The following FHL2 variants were observed in gnomAD, a reference collection of about 807,000 sequenced individuals.
The protein encoded by FHL2 is four and a half LIM domains protein 2.
FHL2 carries 20 observed loss-of-function variants against 32.7 expected under a neutral mutation model. The observed-to-expected ratio is 0.61, with a 90% confidence interval of 0.43 to 0.89. FHL2 has a LOEUF of 0.89. FHL2 is among the 40% of genes least tolerant of loss of function. FHL2 has a pLI of 0.00. For missense variants in FHL2, 311 were observed against 358.6 expected (o/e 0.87, Z 1.07); for synonymous variants, 123 against 128.1 (o/e 0.96, Z 0.27).
intron 6 of FHL2, chr2:105,362,928 C>T (rs1329350932): frequency 4.4e-6 from 1 of 226,974 alleles, no homozygotes; most frequent in East Asian, 1.2e-4. Flanking sequence ...CTAGGGGACA[C>T]TTCTAAGAAC....
Position 105,373,545 on chromosome 2 carries a change from G to A in FHL2, c.331+14C>T. 1 of 1,614,100 alleles carries A rather than the reference G, an allele frequency of 6.2e-7. No homozygotes were observed. On this transcript the variant is annotated intron_variant, in intron 4 of 6. Coordinates refer to ENST00000530340, the MANE Select transcript of FHL2 (RefSeq NM_001318895.3). ...CTAGACTGGCTCACGCATGAGAAAGGAGTGCCTCCTGACCTGGCATGATGG... is the reference window on the plus strand; with the variant it reads ...CTAGACTGGCTCACGCATGAGAAAGAAGTGCCTCCTGACCTGGCATGATGG...
upstream of FHL2, among the ~76,000 whole-genome samples, chr2:105,401,195 A>G (rs1160052429): frequency 6.6e-6 from 1 of 151,658 alleles, no homozygotes; most frequent in Non-Finnish European, 1.5e-5. Context: ...TGAACAATTT[A>G]TGTTAGGGGT....
intron 3 of FHL2, chr2:105,377,875 T>C: frequency 2.7e-6 from 1 of 364,746 alleles, no homozygotes; most frequent in Non-Finnish European, 5.5e-6. Context: ...GATAGTTGCT[T>C]TTTACATGGT....
chr2:105,417,742 A>C (rs1428676810), intron 1 of FHL2, among the ~76,000 whole-genome samples: 1 of 151,778 alleles, frequency 6.6e-6, no homozygotes, highest in Non-Finnish European at 1.5e-5. Context: ...TGTGTGTTTA[A>C]GGGTCCAGAT....
chr2:105,377,859 T>G, intron 3 of FHL2: 1 of 360,948 alleles, frequency 2.8e-6, no homozygotes, highest in South Asian at 2.1e-5. Flanking sequence ...GGCCTCTCTC[T>G]GGGAAGATAG....
At chr2:105,417,686 A>G in intron 1 of FHL2, among the ~76,000 whole-genome samples, 1 of 2,128 alleles carries the variant, frequency 4.7e-4, no homozygotes, top group Non-Finnish European at 1.4e-3. Flanking sequence ...TCCATCTCCA[A>G]AAAAAAAAAA....
Position 105,386,478 on chromosome 2 carries a change from A to T in FHL2, c.39T>A (p.Ser13=). The T allele has an allele frequency of 6.2e-7, 1 of 1,614,180 alleles. No individual in the cohort carries two copies. Among genetic ancestry groups the T allele is most frequent in the Non-Finnish European group, 8.5e-7 (1 of 1,180,038 alleles). ...ERFDCHHCNE[S]LFGKKYILRE... The stretch of plus-strand genomic sequence containing the variant: ...GCAGGATGTACTTCTTGCCAAAGAG[A>T]GATTCGTTGCAATGGTGGCAGTCAA... The change falls in exon 3 of 7, where the codon TCT becomes TCA. Residue 13 remains serine, a synonymous_variant. Transcript: ENST00000530340.
At chr2:105,412,390 G>GA (rs1436015793) in intron 1 of FHL2, among the ~76,000 whole-genome samples, 1 of 152,084 alleles carries the variant, frequency 6.6e-6, no homozygotes, top group East Asian at 1.9e-4. Context: ...CAGGAAAATA[G>GA]AAAAAAACAA....
intron 5 of FHL2, among the ~76,000 whole-genome samples, chr2:105,365,674 C>CA (rs771107312): frequency 0.038 from 2,703 of 71,604 alleles, 44 homozygotes; most frequent in African/African-American, 0.083. Context: ...GTCTCTACTA[C>CA]AAAAAAAAAA....
chr2:105,396,625 AG>A, intron 2 of FHL2, 21 bp downstream of exon 2: 1 of 1,609,030 alleles, frequency 6.2e-7, no homozygotes. Context: ...TTAGGATAAC[AG>A]AGGAAATTCA....
chr2:105,363,527 G>A, intron 5 of FHL2, 56 bp from the exon 6 acceptor site: 1 of 1,482,912 alleles, frequency 6.7e-7, no homozygotes, highest in Non-Finnish European at 9.2e-7. Context: ...GACATCTTCA[G>A]TCTCAGCTAC....
Position 105,367,433 on chromosome 2 carries a change from G to A in FHL2, c.501+137C>T, listed in dbSNP as rs572786376. ...GACCCGATGGATAAATGCTCAGAAT[G>A]TAAGGCAGGACAGGCACAGCTCCCA... On this transcript the variant is annotated intron_variant, in intron 5 of 6. Coordinates refer to ENST00000530340, the MANE Select transcript of FHL2 (RefSeq NM_001318895.3). The A allele has an allele frequency of 8.6e-6, 7 of 817,624 alleles. No homozygotes were observed. The East Asian group carries it at 1.8e-4, about 21-fold the overall frequency. 50.6% of individuals were successfully genotyped at this position (817,624 alleles called of 1,614,324 possible). A position where few individuals can be genotyped will look rare whatever the true frequency, so the allele number is the denominator to read the frequency against.
At chr2:105,389,925 AAAAC>A (rs2104600775) in intron 2 of FHL2, 1 of 152,398 alleles carries the variant, frequency 6.6e-6, no homozygotes, top group Non-Finnish European at 1.5e-5. Flanking sequence ...AGGACAGAAA[AAAAC>A]AAAAACAAAA....
chr2:105,389,601 T>C (rs1338002661), intron 2 of FHL2, among the ~76,000 whole-genome samples: 1 of 152,216 alleles, frequency 6.6e-6, no homozygotes, highest in African/African-American at 2.4e-5. Flanking sequence ...AACTTCCTCA[T>C]TCTATGGATG....
At position 105,363,295 on chromosome 2, in the gene FHL2, G is replaced by A. The variant is rs137869171; in HGVS notation, c.678C>T (p.Asn226=). 0.01 allele frequency: 16,345 copies of A among 1,614,124 alleles called. 104 individuals carry two copies. The highest frequency in any genetic ancestry group is 0.012 in the Non-Finnish European group (14,340 of 1,179,988). ...CCCCGGGACACTCACCGCTGATGGG[G>A]TTGGTGCACCCAGCACACTTCTTGG... ...LYAKKCAGCT[N]PISGLGGTKY... is the part of the protein sequence containing the mutation. Residue 226 remains asparagine (N), a synonymous_variant, in exon 6 of 7, where the codon AAC becomes AAT. Transcript: ENST00000530340.
At chr2:105,398,681 C>T (rs1683314505) in intron 1 of FHL2, among the ~76,000 whole-genome samples, 161 bp downstream of exon 1, 1 of 152,170 alleles carries the variant, frequency 6.6e-6, no homozygotes, top group African/African-American at 2.4e-5. Flanking sequence ...TTGCTCCGCT[C>T]CCCTCTCCCC....
intron 5 of FHL2, among the ~76,000 whole-genome samples, chr2:105,366,372 G>A (rs1680635465): frequency 6.6e-6 from 1 of 152,226 alleles, no homozygotes; most frequent in African/African-American, 2.4e-5. Context: ...CAGACGCAAG[G>A]GTAGAGGCCC....
At chr2:105,434,443 C>T (rs1012895892) in intron 1 of FHL2, among the ~76,000 whole-genome samples, 14 of 152,188 alleles carry the variant, frequency 9.2e-5, no homozygotes, top group Admixed American at 9.2e-4. Flanking sequence ...TGGCCTATGC[C>T]TGTAATCCCA....
intron 1 of FHL2, among the ~76,000 whole-genome samples, chr2:105,407,182 A>G (rs1024395585): frequency 2.0e-5 from 3 of 152,166 alleles, no homozygotes; most frequent in Admixed American, 6.5e-5. Context: ...CACAAGGTCA[A>G]GAGATAGAGA....
Sources: allele counts gnomAD v4.1 joint callset (sites outside exome capture counted in the v4.1 genomes callset), GRCh38; gene constraint gnomAD v4.1.1; transcripts MANE v1.5; gene names NCBI Gene and HGNC (gene_info 2026-07-23, HGNC 2026-07-21).